KDM3A: variants seen among roughly 807,000 people sequenced by gnomAD.
KDM3A encodes lysine-specific demethylase 3A.
KDM3A carries 60 observed loss-of-function variants against 158.0 expected under a neutral mutation model. The ratio of observed to expected loss-of-function variants is 0.38; its 90% confidence interval spans 0.31 to 0.47. KDM3A has a LOEUF of 0.47. Ranked by LOEUF, KDM3A falls within the 20% of genes least tolerant of loss-of-function variation. The pLI, the probability that KDM3A is intolerant of heterozygous loss-of-function variation, is 0.99. For synonymous variants in KDM3A, 608 were observed against 549.3 expected, an observed-to-expected ratio of 1.11 and a Z score of -1.49; for missense variants, 1,319 against 1,574.3, an observed-to-expected ratio of 0.84 and a Z score of 2.74.
intron 11 of KDM3A, among the ~76,000 whole-genome samples, chr2:86,471,347 ATGTG>A (rs550811975): frequency 1.3e-5 from 2 of 150,668 alleles, no homozygotes; most frequent in Admixed American, 6.6e-5. Flanking sequence ...ATATGTATAT[ATGTG>A]TGTGTGTATA....
Position 86,466,420 on chromosome 2 carries a change from A to G in KDM3A, c.1056A>G (p.Thr352=). 6.2e-7 allele frequency: 1 copy of G among 1,613,550 alleles called. No homozygotes were observed. The highest frequency in any genetic ancestry group is 8.5e-7 in the Non-Finnish European group (1 of 1,179,680). ...LPEEISSCLN[T]KSEALRTKPD... is the part of the protein sequence containing the mutation. ...AGGAAATTTCTTCCTGTCTAAATAC[A>G]AAGTCTGAAGCTCTGAGAACAAAAC... Residue 352 remains threonine, a synonymous_variant, in exon 10 of 26, where the codon ACA becomes ACG. Transcript: ENST00000312912.
At chr2:86,461,378 A>C (rs1672922903) in intron 8 of KDM3A, among the ~76,000 whole-genome samples, 1 of 152,164 alleles carries the variant, frequency 6.6e-6, no homozygotes, top group Non-Finnish European at 1.5e-5. Flanking sequence ...GGTGATCATC[A>C]CTTCCTGTCA....
chr2:86,471,090 C>T (rs1266595327), intron 11 of KDM3A, among the ~76,000 whole-genome samples: 3 of 152,040 alleles, frequency 2.0e-5, no homozygotes, highest in African/African-American at 4.8e-5. Context: ...ACAGGAAGGT[C>T]GCACCTGTGT....
intron 8 of KDM3A, among the ~76,000 whole-genome samples, chr2:86,463,417 C>A (rs111870608): frequency 0.81 from 122,067 of 151,506 alleles, 49,799 homozygotes; most frequent in East Asian, 0.95. Flanking sequence ...TCAATACTTC[C>A]TTTTTTTGAA....
At chr2:86,475,648 T>TGTCCCTCTG (rs1281376471) in intron 12 of KDM3A, among the ~76,000 whole-genome samples, 1 of 152,212 alleles carries the variant, frequency 6.6e-6, no homozygotes, top group Non-Finnish European at 1.5e-5. Flanking sequence ...TTCCTATCCA[T>TGTCCCTCTG]GTCCCTCTGT....
At chr2:86,468,596 T>C (rs942533358) in intron 10 of KDM3A, among the ~76,000 whole-genome samples, 9 of 146,900 alleles carry the variant, frequency 6.1e-5, no homozygotes, top group Non-Finnish European at 1.1e-4. Flanking sequence ...CTACTGTGAC[T>C]TTTTTTTTTT....
chr2:86,461,876 A>T (rs749625356), intron 8 of KDM3A, among the ~76,000 whole-genome samples: 7 of 152,150 alleles, frequency 4.6e-5, no homozygotes, highest in Non-Finnish European at 8.8e-5. Context: ...GAGTACTGTG[A>T]GCAAGCGGGG....
chr2:86,454,281 C>G (rs1672595569), intron 4 of KDM3A, among the ~76,000 whole-genome samples: 1 of 152,142 alleles, frequency 6.6e-6, no homozygotes, highest in Non-Finnish European at 1.5e-5. Context: ...GGGTTTTGGC[C>G]TAGGTAACCA....
At chr2:86,447,166 C>T (rs2104624503) in intron 2 of KDM3A, among the ~76,000 whole-genome samples, 1 of 152,170 alleles carries the variant, frequency 6.6e-6, no homozygotes, top group East Asian at 1.9e-4. Flanking sequence ...AAGCTCACAA[C>T]TTGTTGGTTT....
intron 8 of KDM3A, among the ~76,000 whole-genome samples, chr2:86,462,728 T>C (rs886146529): frequency 2.0e-5 from 3 of 152,216 alleles, no homozygotes; most frequent in Admixed American, 1.3e-4. Flanking sequence ...TTTTCAAGGC[T>C]GTCAAGTAAA....
rs746451729 is a variant in KDM3A, at chr2:86,466,665, C to T, written c.1301C>T (p.Pro434Leu). 1 of 1,613,928 alleles carries T rather than the reference C, an allele frequency of 6.2e-7. No individual in the cohort carries two copies. Among genetic ancestry groups the T allele is most frequent in the East Asian group, 2.2e-5 (1 of 44,882 alleles). The change falls in exon 10 of 26, where the codon CCT (proline) becomes CTT (leucine). Residue 434 changes from proline to leucine, a missense_variant. Pro to Leu is a moderately conservative substitution (Grantham distance 98). This residue lies in a region of KDM3A where 652 missense variants were observed against 627.2 expected (regional missense o/e 1.04). Coordinates refer to ENST00000312912, the MANE Select transcript of KDM3A (RefSeq NM_018433.6). Reference sequence around the variant, plus strand: ...GCAGAATTGGAAATTGCCAATCCTCCTGAACTGCAGAAGCACCTAGAACAT... The same window carrying T: ...GCAGAATTGGAAATTGCCAATCCTCTTGAACTGCAGAAGCACCTAGAACAT... ...SKAELEIANP[P>L]ELQKHLEHAP...
chr2:86,446,123 G>A (rs1348377966), intron 2 of KDM3A, among the ~76,000 whole-genome samples: 1 of 152,056 alleles, frequency 6.6e-6, no homozygotes, highest in African/African-American at 2.4e-5. Flanking sequence ...TTTCTGTTGG[G>A]GAAACATTGG....
chr2:86,473,934 G>A (rs963314679), intron 11 of KDM3A, among the ~76,000 whole-genome samples: 1 of 152,142 alleles, frequency 6.6e-6, no homozygotes, highest in Admixed American at 6.5e-5. Flanking sequence ...GGACGGTAAC[G>A]TGCAGCTGGA....
intron 3 of KDM3A, 82 bp downstream of exon 3, chr2:86,450,044 A>T: frequency 2.1e-6 from 3 of 1,409,758 alleles, no homozygotes; most frequent in South Asian, 2.9e-5. Flanking sequence ...TGTAAATGTA[A>T]TGCCAGAAAG....
chr2:86,479,024 G>A (rs553217193), intron 15 of KDM3A: 17 of 217,998 alleles, frequency 7.8e-5, no homozygotes, highest in Admixed American at 2.9e-4. Context: ...AGTAGCTGTC[G>A]AATTTGTAAA....
In KDM3A at chr2:86,474,792, CATG is replaced by C. The variant is rs760149073; in HGVS notation, c.1742_1744del (p.His581_Gly582delinsArg). On this transcript the variant is annotated inframe_deletion, in exon 12 of 26. Coordinates refer to ENST00000312912, the MANE Select transcript of KDM3A (RefSeq NM_018433.6). ...TTCCCCTAGGTTACAATTCAACAAA[CATG>C]GTGTGTTGCGGGTAGAAGGCTTCTT... is the stretch of plus-strand genomic sequence containing the variant. 15 of 1,481,924 alleles carry C rather than the reference CATG, an allele frequency of 1.0e-5. No individual in the cohort carries two copies. In the African/African-American group the frequency reaches 1.4e-4, roughly 14 times the overall value. 91.8% of individuals were successfully genotyped at this position (1,481,924 alleles called of 1,614,324 possible). A position where few individuals can be genotyped will look rare whatever the true frequency, so the allele number is the denominator to read the frequency against.
intron 9 of KDM3A, 100 bp downstream of exon 9, chr2:86,464,316 G>A (rs974400572): frequency 9.3e-6 from 8 of 862,986 alleles, no homozygotes; most frequent in African/African-American, 1.7e-5. Flanking sequence ...GAGGTTTTTC[G>A]TTAGAGTTTC....
intron 18 of KDM3A, chr2:86,483,236 G>C (rs3770058): frequency 0.39 from 59,738 of 152,398 alleles, 13,712 homozygotes; most frequent in East Asian, 0.75. Context: ...TTTTGGTTCT[G>C]TTTTCTGGAT....
intron 8 of KDM3A, among the ~76,000 whole-genome samples, chr2:86,461,571 G>A (rs1352408661): frequency 2.0e-5 from 3 of 152,196 alleles, no homozygotes; most frequent in East Asian, 3.8e-4. Context: ...AACAGTGTGT[G>A]TCCCATTGTG....
Sources: gnomAD v4.1 joint callset for allele counts (sites outside exome capture counted in the v4.1 genomes callset) on GRCh38, gnomAD v4.1.1 for gene constraint, gnomAD v4.1.1 regional missense constraint, MANE v1.5 for transcripts, NCBI Gene and HGNC (gene_info 2026-07-23, HGNC 2026-07-21) for gene names.